ARHGEF33: variants seen among roughly 807,000 people sequenced by gnomAD.
ARHGEF33 encodes Rho guanine nucleotide exchange factor 33.
A neutral mutation model predicts 101.9 loss-of-function variants in ARHGEF33; 72 were observed. The observed-to-expected ratio is 0.71, with a 90% CI of 0.58 to 0.86. The LOEUF is 0.86. Among genes scored for constraint, ARHGEF33 ranks in the 40% least tolerant of loss-of-function variants. The probability of loss-of-function intolerance (pLI) is 0.00; values close to 1 mark genes in which losing one functional copy is unlikely to be tolerated. For missense variants in ARHGEF33, 1,169 were observed against 1,111.3 expected (o/e 1.05, Z -0.74); for synonymous variants, 499 against 442.5 (o/e 1.13, Z -1.60).
chr2:38,909,400 C>A (rs376229894), intron 2 of ARHGEF33, among the ~76,000 whole-genome samples: 4 of 151,924 alleles, frequency 2.6e-5, no homozygotes, highest in Non-Finnish European at 5.9e-5. Context: ...TCGCTCACTG[C>A]AGCTTTGACT....
chr2:38,904,460 C>A (rs1016400563), intron 2 of ARHGEF33, among the ~76,000 whole-genome samples: 1 of 152,006 alleles, frequency 6.6e-6, no homozygotes, highest in East Asian at 1.9e-4. Context: ...AATCCCAGCA[C>A]TTTGGGTGGC....
Position 38,953,185 on chromosome 2 carries a change from T to G in ARHGEF33, c.1077T>G (p.Val359=). The part of the protein sequence containing the change: ...NDENNFLDYY[V]AYLRDLPECI... ...AGAATAATTTCTTGGATTATTATGT[T>G]GCCTACCTAAGGGACCTGCCTGAGT... Residue 359 remains valine (V), a synonymous_variant, in exon 12 of 18, where the codon GTT becomes GTG. Coordinates refer to ENST00000409978, the MANE Select transcript of ARHGEF33 (RefSeq NM_001145451.5). 2 of 1,535,176 alleles carry G rather than the reference T, an allele frequency of 1.3e-6. No homozygotes were observed. The highest frequency in any genetic ancestry group is 1.4e-5 in the African/African-American group (1 of 72,888).
chr2:38,903,729 A>G (rs749958661), intron 2 of ARHGEF33, among the ~76,000 whole-genome samples: 1 of 152,240 alleles, frequency 6.6e-6, no homozygotes, highest in Non-Finnish European at 1.5e-5. Context: ...AACTCTGCAA[A>G]TACCCTTTAG....
chr2:38,905,852 TA>T (rs1186700022), intron 2 of ARHGEF33, among the ~76,000 whole-genome samples: 4 of 152,180 alleles, frequency 2.6e-5, no homozygotes, highest in Admixed American at 2.0e-4. Flanking sequence ...GAAATGAGCA[TA>T]ATCTGCACAG....
Position 38,958,002 on chromosome 2 carries a change from C to A in ARHGEF33, c.1371-32C>A, listed in dbSNP as rs1182624496. The A allele has an allele frequency of 4.5e-6, 7 of 1,551,424 alleles. No individual in the cohort carries two copies. The Admixed American group carries it at 1.4e-4, about 30-fold the overall frequency. On this transcript the variant is annotated intron_variant, in intron 14 of 17. Transcript: ENST00000409978. ...TTCAGAGAGCCAGTTTGCCACTGTA[C>A]AACCTGAGAACTGTTATTTCCATTC...
rs1462341767 is a variant in ARHGEF33 at position 38,960,395 on chromosome 2, A to G, written c.2090A>G (p.Gln697Arg). 6.6e-7 allele frequency: 1 copy of G among 1,509,734 alleles called. No homozygotes were observed. Among genetic ancestry groups the G allele is most frequent in the Non-Finnish European group, 8.8e-7 (1 of 1,135,314 alleles). The allele number at this position is 1,509,734 out of a possible 1,614,324, so 93.5% of individuals were successfully genotyped here. The change falls in exon 16 of 18, where the codon CAG becomes CGG. Residue 697 changes from glutamine to arginine, a missense_variant. Gln to Arg is a conservative substitution (Grantham distance 43, BLOSUM62 1). Coordinates refer to ENST00000409978, the MANE Select transcript of ARHGEF33 (RefSeq NM_001145451.5). ...GCCTACAAACTGGAGGCGGCGGCGCAGGCGCACGGCAAGGCCAAGCCGCTG... is the reference window on the plus strand; with the variant it reads ...GCCTACAAACTGGAGGCGGCGGCGCGGGCGCACGGCAAGGCCAAGCCGCTG... ...SSAYKLEAAA[Q>R]AHGKAKPLSR...
intron 10 of ARHGEF33, among the ~76,000 whole-genome samples, chr2:38,949,775 G>A (rs1667551981): frequency 6.6e-6 from 1 of 152,214 alleles, no homozygotes; most frequent in Non-Finnish European, 1.5e-5. Flanking sequence ...GAAGCACGAT[G>A]CTGGCATCTG....
At chr2:38,951,157 A>T in intron 11 of ARHGEF33, 36 bp downstream of exon 11, 6 of 1,544,144 alleles carry the variant, frequency 3.9e-6, no homozygotes, top group Non-Finnish European at 5.3e-6. Flanking sequence ...CATTTTACTT[A>T]TACGGATTTG....
chr2:38,909,520 G>A (rs995614915), intron 2 of ARHGEF33, among the ~76,000 whole-genome samples: 2 of 71,130 alleles, frequency 2.8e-5, no homozygotes, highest in African/African-American at 5.4e-5. Context: ...TGTATTTTTT[G>A]TAGAGACAGG....
rs113506267 is a variant in ARHGEF33 at position 38,938,070 on chromosome 2, A to G, written c.790+511A>G. 6.2e-3 allele frequency among the ~76,000 whole-genome samples: 941 copies of G among 152,278 alleles called. 13 individuals carry two copies. Among genetic ancestry groups the G allele is most frequent in the African/African-American group, 0.021 (854 of 41,536 alleles). On this transcript the variant is annotated intron_variant, in intron 9 of 17. Transcript: ENST00000409978. ...AATTATTTTGAATTTTTAAAGTCAA[A>G]TACATGAAAAAAAGTATTAAAAGGT...
intron 1 of ARHGEF33, among the ~76,000 whole-genome samples, chr2:38,890,664 T>C (rs1427561109): frequency 6.6e-6 from 1 of 152,234 alleles, no homozygotes; most frequent in South Asian, 2.1e-4. Flanking sequence ...TATGCTGAAA[T>C]AGTATTCTGA....
intron 1 of ARHGEF33, among the ~76,000 whole-genome samples, chr2:38,890,260 A>G (rs1032577692): frequency 5.9e-5 from 9 of 152,218 alleles, no homozygotes; most frequent in African/African-American, 2.2e-4. Context: ...CTGCATATTA[A>G]TAAATATAGT....
intron 4 of ARHGEF33, among the ~76,000 whole-genome samples, chr2:38,923,398 A>G (rs913680464): frequency 6.6e-6 from 1 of 152,196 alleles, no homozygotes; most frequent in Non-Finnish European, 1.5e-5. Flanking sequence ...AATAAAATCT[A>G]TACTAGAAGG....
In ARHGEF33 at chr2:38,973,920, A is replaced by ATATATC. The variant is rs1439790170; in HGVS notation, c.*89_*94dup. 9 of 967,266 alleles carry ATATATC rather than the reference A, an allele frequency of 9.3e-6. No individual in the cohort carries two copies. The highest frequency in any genetic ancestry group is 4.3e-5 in the Admixed American group (1 of 23,100). 59.9% of individuals were successfully genotyped at this position (967,266 alleles called of 1,614,324 possible). A position where few individuals can be genotyped will look rare whatever the true frequency, so the allele number is the denominator to read the frequency against. The stretch of plus-strand genomic sequence containing the variant: ...TATATATCTGTGTAGGAATATATAT[A>ATATATC]TATATCTATATCTATATATATATAT... On this transcript the variant is annotated 3_prime_UTR_variant, in exon 18 of 18. Coordinates refer to ENST00000409978, the MANE Select transcript of ARHGEF33 (RefSeq NM_001145451.5).
intron 16 of ARHGEF33, among the ~76,000 whole-genome samples, chr2:38,961,250 C>G (rs1667930975): frequency 6.6e-6 from 1 of 152,162 alleles, no homozygotes; most frequent in African/African-American, 2.4e-5. Context: ...TTTCTTTTGA[C>G]TGGAAAAGAG....
intron 10 of ARHGEF33, 96 bp downstream of exon 10, chr2:38,944,126 G>A (rs1231404826): frequency 6.2e-6 from 8 of 1,284,204 alleles, no homozygotes; most frequent in Non-Finnish European, 7.4e-6. Flanking sequence ...GGCCTATGAA[G>A]AGTTCCAGAA....
At chr2:38,916,399 A>T (rs1409246604) in intron 2 of ARHGEF33, among the ~76,000 whole-genome samples, 1 of 152,232 alleles carries the variant, frequency 6.6e-6, no homozygotes, top group Non-Finnish European at 1.5e-5. Flanking sequence ...TAATTTTCTC[A>T]GAGTCTCTTT....
chr2:38,912,664 T>C (rs1441277349), intron 2 of ARHGEF33, among the ~76,000 whole-genome samples: 1 of 152,154 alleles, frequency 6.6e-6, no homozygotes, highest in Non-Finnish European at 1.5e-5. Context: ...GATGACATGT[T>C]TTCTCAAGCA....
At chr2:38,920,398 CTTTTTTTTTTT>C (rs61429948) in intron 3 of ARHGEF33, among the ~76,000 whole-genome samples, 4 of 77,824 alleles carry the variant, frequency 5.1e-5, no homozygotes, top group East Asian at 4.8e-4. Flanking sequence ...TCTTTCTTTC[CTTTTTTTTTTT>C]TTTTTTTTTT....
Sources: allele counts gnomAD v4.1 joint callset (sites outside exome capture counted in the v4.1 genomes callset), GRCh38; gene constraint gnomAD v4.1.1; transcripts MANE v1.5; gene names NCBI Gene and HGNC (gene_info 2026-07-23, HGNC 2026-07-21).